The following FARS2 variants were observed in gnomAD, a reference collection of about 807,000 sequenced individuals.
FARS2 encodes the protein phenylalanyl-tRNA synthetase 2, mitochondrial.
Under a neutral mutation model 46.4 loss-of-function variants are expected in FARS2, and 40 were observed. The observed-to-expected ratio is 0.86, with a 90% CI of 0.67 to 1.12. The LOEUF is 1.12. Among genes scored for constraint, FARS2 ranks in the 50% most tolerant of loss-of-function variants. The pLI is 0.00. For synonymous variants in FARS2, 234 were observed against 214.9 expected (o/e 1.09, Z -0.78); for missense variants, 513 against 567.9 (o/e 0.90, Z 0.98).
intron 4 of FARS2, among the ~76,000 whole-genome samples, chr6:5,535,129 A>C (rs1050333952): frequency 6.6e-6 from 1 of 152,188 alleles, no homozygotes; most frequent in Admixed American, 6.5e-5. Context: ...AATGTTGAGT[A>C]TCTTTTCATG....
intron 5 of FARS2, among the ~76,000 whole-genome samples, chr6:5,587,476 T>G (rs1773681284): frequency 6.6e-6 from 1 of 152,216 alleles, no homozygotes; most frequent in African/African-American, 2.4e-5. Flanking sequence ...AAAATCCACG[T>G]TGCTCAACCC....
At chr6:5,504,556 A>G (rs950079111) in intron 4 of FARS2, among the ~76,000 whole-genome samples, 1 of 152,120 alleles carries the variant, frequency 6.6e-6, no homozygotes, top group Non-Finnish European at 1.5e-5. Context: ...TAACAGAAAC[A>G]TCCATTGAAG....
chr6:5,635,053 C>T (rs1017097782), intron 6 of FARS2, among the ~76,000 whole-genome samples: 2 of 152,272 alleles, frequency 1.3e-5, no homozygotes. Context: ...ACTTGTTGGC[C>T]GTGGAACCAT....
intron 1 of FARS2, among the ~76,000 whole-genome samples, chr6:5,265,759 C>A (rs1242276122): frequency 6.6e-6 from 1 of 152,082 alleles, no homozygotes; most frequent in Non-Finnish European, 1.5e-5. Context: ...GCAGTTTTGA[C>A]CGTTACTTTT....
At chr6:5,511,300 C>A (rs965080033) in intron 4 of FARS2, among the ~76,000 whole-genome samples, 2 of 152,164 alleles carry the variant, frequency 1.3e-5, no homozygotes, top group African/African-American at 4.8e-5. Context: ...TAAGAACTAA[C>A]CTATAAATTA....
intron 5 of FARS2, among the ~76,000 whole-genome samples, chr6:5,590,411 T>A (rs539693812): frequency 6.6e-6 from 1 of 152,314 alleles, no homozygotes; most frequent in South Asian, 2.1e-4. Flanking sequence ...GCCCTTCAGC[T>A]CTGGCACAGT....
chr6:5,523,868 G>A (rs763863414), intron 4 of FARS2, among the ~76,000 whole-genome samples: 1 of 152,172 alleles, frequency 6.6e-6, no homozygotes, highest in Non-Finnish European at 1.5e-5. Context: ...AGTTCTCCAC[G>A]TGGCTTCCCA....
intron 6 of FARS2, among the ~76,000 whole-genome samples, chr6:5,622,495 C>T (rs1168308314): frequency 1.3e-5 from 2 of 152,192 alleles, no homozygotes; most frequent in Non-Finnish European, 2.9e-5. Context: ...TATTAAGAAA[C>T]GAGGCCTTTG....
At chr6:5,291,125 A>C (rs957205235) in intron 1 of FARS2, 2 of 152,250 alleles carry the variant, frequency 1.3e-5, no homozygotes, top group Non-Finnish European at 1.5e-5. Context: ...CTTCAGAAAT[A>C]GTTGTAGAAA....
intron 4 of FARS2, among the ~76,000 whole-genome samples, chr6:5,456,672 A>G (rs1440405957): frequency 1.5e-5 from 2 of 135,498 alleles, no homozygotes; most frequent in African/African-American, 2.7e-5. Context: ...CGGAGGTTGC[A>G]GTGAGCCGAG....
chr6:5,671,882 G>A (rs890855717), intron 6 of FARS2, among the ~76,000 whole-genome samples: 4 of 152,176 alleles, frequency 2.6e-5, no homozygotes, highest in African/African-American at 7.2e-5. Context: ...AAAAATCACT[G>A]TAGGGGGACT....
chr6:5,329,268 T>G (rs575236746), intron 1 of FARS2, among the ~76,000 whole-genome samples: 1 of 152,328 alleles, frequency 6.6e-6, no homozygotes, highest in African/African-American at 2.4e-5. Context: ...AAACAAGCCA[T>G]GTGCTTTATC....
At chr6:5,557,079 A>G (rs1190569101) in intron 5 of FARS2, among the ~76,000 whole-genome samples, 2 of 152,300 alleles carry the variant, frequency 1.3e-5, no homozygotes, top group Admixed American at 1.3e-4. Context: ...AGGGACCAGA[A>G]GGAACCGGTT....
At chr6:5,312,135 C>G (rs1305961196) in intron 1 of FARS2, among the ~76,000 whole-genome samples, 1 of 152,194 alleles carries the variant, frequency 6.6e-6, no homozygotes, top group Non-Finnish European at 1.5e-5. Context: ...TTGGGACCAT[C>G]TTCTGAAAGT....
chr6:5,449,439 GAA>G, intron 4 of FARS2, among the ~76,000 whole-genome samples: 1 of 150,822 alleles, frequency 6.6e-6, no homozygotes, highest in African/African-American at 2.4e-5. Flanking sequence ...TTATTATAAA[GAA>G]AGAAGAGAAA....
chr6:5,500,675 T>G (rs1232736163), intron 4 of FARS2, among the ~76,000 whole-genome samples: 1 of 152,098 alleles, frequency 6.6e-6, no homozygotes, highest in East Asian at 1.9e-4. Flanking sequence ...CTAGGTTTAA[T>G]TGCTAAGGGA....
At chr6:5,747,107 C>T (rs1761690742) in intron 6 of FARS2, among the ~76,000 whole-genome samples, 1 of 152,100 alleles carries the variant, frequency 6.6e-6, no homozygotes, top group Non-Finnish European at 1.5e-5. Context: ...GAGGAACAGG[C>T]AGTGGTACCA....
intron 5 of FARS2, among the ~76,000 whole-genome samples, chr6:5,598,525 A>C (rs755376780): frequency 5.5e-4 from 84 of 152,346 alleles, no homozygotes; most frequent in Non-Finnish European, 1.1e-3. Context: ...ATCAATCAAT[A>C]AATGTTTTCA....
chr6:5,493,898 T>C (rs923732548), intron 4 of FARS2, among the ~76,000 whole-genome samples: 5 of 152,232 alleles, frequency 3.3e-5, no homozygotes, highest in Admixed American at 1.3e-4. Context: ...TTATTTTGTC[T>C]CTTGTGTTAA....
Sources: gnomAD v4.1 joint callset for allele counts (sites outside exome capture counted in the v4.1 genomes callset) on GRCh38, gnomAD v4.1.1 for gene constraint, MANE v1.5 for transcripts, NCBI Gene and HGNC (gene_info 2026-07-23, HGNC 2026-07-21) for gene names.